PCDH11X: variants seen among roughly 807,000 people sequenced by gnomAD.
The protein encoded by PCDH11X is protocadherin-11 X-linked.
In PCDH11X, 18 loss-of-function variants were observed where a neutral mutation model predicts 53.3. The observed-to-expected ratio is 0.34, with a 90% CI of 0.23 to 0.50. PCDH11X has a LOEUF of 0.50. Among genes scored for constraint, PCDH11X ranks in the 20% least tolerant of loss-of-function variants. The probability of loss-of-function intolerance (pLI) is 0.98; values close to 1 mark genes in which losing one functional copy is unlikely to be tolerated. For missense variants in PCDH11X, 570 were observed against 1,032.4 expected, an observed-to-expected ratio of 0.55 and a Z score of 6.14; for synonymous variants, 279 against 393.3, an observed-to-expected ratio of 0.71 and a Z score of 3.44.
At chrX:92,399,054 G>A (rs1342949007) in intron 9 of PCDH11X, among the ~76,000 whole-genome samples, 1 of 108,732 alleles carries the variant, frequency 9.2e-6, no homozygotes, top group African/African-American at 3.4e-5. Context: ...TTAGCCGGTC[G>A]TGGTGGTGGG....
intron 10 of PCDH11X, among the ~76,000 whole-genome samples, chrX:92,555,032 G>A (rs1371455518): frequency 1.8e-5 from 2 of 111,760 alleles, no homozygotes; most frequent in Non-Finnish European, 3.8e-5. Context: ...CAGAGCCTGA[G>A]TAGCAGGGTT....
chrX:92,583,147 T>C (rs1333086198), intron 10 of PCDH11X, among the ~76,000 whole-genome samples: 1 of 98,021 alleles, frequency 1.0e-5, no homozygotes, highest in Non-Finnish European at 2.1e-5. Flanking sequence ...TCGCCCAGGC[T>C]GGAGTGCAGT....
intron 9 of PCDH11X, among the ~76,000 whole-genome samples, chrX:92,436,324 A>G (rs1277778057): frequency 9.0e-6 from 1 of 111,102 alleles, no homozygotes; most frequent in African/African-American, 3.3e-5. Context: ...TCAAAAAATA[A>G]CAGATGCTGG....
At chrX:91,991,992 T>C (rs2062335815) in intron 6 of PCDH11X, among the ~76,000 whole-genome samples, 1 of 110,532 alleles carries the variant, frequency 9.0e-6, no homozygotes, top group Non-Finnish European at 1.9e-5. Context: ...TAACTCTGCT[T>C]TATATTGCTT....
At chrX:92,085,712 T>TC (rs1485864764) in intron 6 of PCDH11X, among the ~76,000 whole-genome samples, 1 of 111,343 alleles carries the variant, frequency 9.0e-6, no homozygotes, top group African/African-American at 3.3e-5. Context: ...CATTTTTTTT[T>TC]CTTCCCAAAT....
chrX:91,852,680 G>T (rs1938098760), intron 5 of PCDH11X, among the ~76,000 whole-genome samples: 1 of 111,240 alleles, frequency 9.0e-6, no homozygotes, highest in Non-Finnish European at 1.9e-5. Context: ...TTGTGGGGTG[G>T]TGTGAGAGCT....
intron 1 of PCDH11X, among the ~76,000 whole-genome samples, chrX:91,800,977 C>T (rs1935914154): frequency 9.3e-6 from 1 of 107,684 alleles, no homozygotes; most frequent in African/African-American, 3.4e-5. Flanking sequence ...CCAGGATTTC[C>T]AGACCAGCCT....
At chrX:92,602,347 G>T (rs72608342) in intron 10 of PCDH11X, among the ~76,000 whole-genome samples, 26,222 of 111,618 alleles carry the variant, frequency 0.23, 2,392 homozygotes, top group African/African-American at 0.3. Context: ...ATTAGCTGTA[G>T]GTTTAGCAGA....
In PCDH11X at chrX:91,878,236, G is replaced by A; in HGVS notation, c.1996G>A (p.Val666Ile). 1 of 1,210,946 alleles carries A rather than the reference G, an allele frequency of 8.3e-7. No individual in the cohort carries two copies. Among genetic ancestry groups the A allele is most frequent in the East Asian group, 3.0e-5 (1 of 33,803 alleles). The change falls in exon 6 of 11, where the codon GTC becomes ATC. Residue 666 changes from valine (V) to isoleucine (I), a missense_variant. By Grantham distance (29) the Val-to-Ile change is conservative. Around this residue, in one of 6 missense-constraint regions of PCDH11X, gnomAD observed 226 missense variants for 457.5 expected, o/e 0.49. Coordinates refer to ENST00000682573, the MANE Select transcript of PCDH11X (RefSeq NM_032968.5). ...SAKVTINVVD[V>I]NDNKPVFIVP... is the part of the protein sequence containing the mutation. The stretch of plus-strand genomic sequence containing the variant: ...CAAAGTAACCATAAATGTGGTTGAT[G>A]TCAATGACAACAAACCAGTTTTCAT...
At chrX:92,279,454 AT>A (rs1256066810) in intron 8 of PCDH11X, among the ~76,000 whole-genome samples, 1 of 111,939 alleles carries the variant, frequency 8.9e-6, no homozygotes, top group Non-Finnish European at 1.9e-5. Flanking sequence ...ATTGAATGCA[AT>A]TTTTTAAATC....
chrX:91,954,383 A>G (rs1170800447), intron 6 of PCDH11X, among the ~76,000 whole-genome samples: 1 of 111,168 alleles, frequency 9.0e-6, no homozygotes, highest in Non-Finnish European at 1.9e-5. Context: ...GGTTGATTCC[A>G]TGTCTTTGGT....
intron 6 of PCDH11X, among the ~76,000 whole-genome samples, chrX:92,150,797 G>T (rs1375345529): frequency 9.2e-6 from 1 of 109,248 alleles, no homozygotes; most frequent in Non-Finnish European, 1.9e-5. Flanking sequence ...ATGTTGTTTG[G>T]CATTAATATG....
chrX:92,566,493 T>A (rs1331460617), intron 10 of PCDH11X, among the ~76,000 whole-genome samples: 3 of 110,125 alleles, frequency 2.7e-5, no homozygotes, highest in Non-Finnish European at 3.8e-5. Context: ...CACATCTGTC[T>A]AAGCATATTT....
intron 9 of PCDH11X, among the ~76,000 whole-genome samples, chrX:92,416,892 A>G (rs2071825922): frequency 1.8e-5 from 2 of 111,752 alleles, no homozygotes; most frequent in African/African-American, 6.5e-5. Flanking sequence ...TACGTTATTT[A>G]TTGTGTTTTC....
intron 6 of PCDH11X, among the ~76,000 whole-genome samples, chrX:92,084,488 G>A (rs769658922): frequency 4.7e-5 from 5 of 105,621 alleles, no homozygotes; most frequent in South Asian, 4.3e-4. Context: ...CAGAGGTTGC[G>A]GTGAGCCAAG....
chrX:92,407,864 G>C (rs1245601115), intron 9 of PCDH11X, among the ~76,000 whole-genome samples: 4 of 110,717 alleles, frequency 3.6e-5, no homozygotes, highest in African/African-American at 1.3e-4. Flanking sequence ...TACTATTAAA[G>C]TGTTTTTTTT....
intron 8 of PCDH11X, among the ~76,000 whole-genome samples, chrX:92,339,133 A>G (rs1221212374): frequency 8.9e-6 from 1 of 111,995 alleles, no homozygotes; most frequent in Non-Finnish European, 1.9e-5. Flanking sequence ...CCAACATCTG[A>G]TTTTTGACAA....
At chrX:92,093,006 C>T (rs1462417439) in intron 6 of PCDH11X, among the ~76,000 whole-genome samples, 1 of 111,183 alleles carries the variant, frequency 9.0e-6, no homozygotes, top group Non-Finnish European at 1.9e-5. Flanking sequence ...TGTGGCACCC[C>T]ACCACTCACT....
chrX:92,167,058 T>C (rs1603094401), intron 6 of PCDH11X, among the ~76,000 whole-genome samples: 1 of 109,321 alleles, frequency 9.1e-6, no homozygotes, highest in Non-Finnish European at 1.9e-5. Context: ...AATTTAAACC[T>C]GCACCTGCAT....
Sources: allele counts gnomAD v4.1 joint callset (sites outside exome capture counted in the v4.1 genomes callset), GRCh38; gene constraint gnomAD v4.1.1; regional missense constraint gnomAD v4.1.1; transcripts MANE v1.5; gene names NCBI Gene and HGNC (gene_info 2026-07-23, HGNC 2026-07-21).